Variants in SHROOM2 observed in about 807,000 individuals in gnomAD.
SHROOM2 encodes shroom family member 2.
Under a neutral mutation model 75.9 loss-of-function variants are expected in SHROOM2, and 33 were observed. The ratio of observed to expected loss-of-function variants is 0.43; its 90% CI spans 0.33 to 0.58. SHROOM2 has a LOEUF of 0.58. Ranked by LOEUF, SHROOM2 falls within the 20% of genes least tolerant of loss-of-function variation. SHROOM2 has a pLI of 0.04. For missense variants in SHROOM2, 1,434 were observed against 1,461.2 expected (o/e 0.98, Z 0.30); for synonymous variants, 655 against 663.6 (o/e 0.99, Z 0.20).
intron 1 of SHROOM2, among the ~76,000 whole-genome samples, chrX:9,846,588 C>G (rs1167246071): frequency 8.9e-6 from 1 of 112,372 alleles, no homozygotes; most frequent in Non-Finnish European, 1.9e-5. Flanking sequence ...AGCCATCACA[C>G]CCGGCCAATT....
intron 1 of SHROOM2, among the ~76,000 whole-genome samples, chrX:9,811,273 G>A (rs1482893905): frequency 8.9e-6 from 1 of 111,883 alleles, no homozygotes; most frequent in Non-Finnish European, 1.9e-5. Context: ...CTTGGTGAGT[G>A]GAAGTCCATG....
In SHROOM2 at chrX:9,944,684, G is replaced by A. The variant is rs189631774; in HGVS notation, c.4355G>A (p.Arg1452Gln). Residue 1452 changes from arginine to glutamine, a missense_variant, in exon 9 of 10, where the codon CGG (arginine) becomes CAG (glutamine). By Grantham distance (43) the Arg-to-Gln change is conservative. This residue lies in a region of SHROOM2 where 1,340 missense variants were observed against 1,338.3 expected (regional missense o/e 1.00). Coordinates refer to ENST00000380913, the MANE Select transcript of SHROOM2 (RefSeq NM_001649.4). ...ATCAGCCGCAAGCTGCAGGTGCTCC[G>A]GGAGGCCCGCGAGAGCCTGCTGGAG... ...ESISRKLQVL[R>Q]EARESLLEDV... 2.2e-5 allele frequency: 26 copies of A among 1,208,977 alleles called. No homozygotes were observed. The highest frequency in any genetic ancestry group is 1.5e-4 in the Admixed American group (7 of 45,716).
At chrX:9,941,957 CA>C (rs1178166624) in intron 8 of SHROOM2, among the ~76,000 whole-genome samples, 20 of 79,659 alleles carry the variant, frequency 2.5e-4, no homozygotes, top group Middle Eastern at 8.7e-3. Context: ...GGTGGCAGAG[CA>C]GAGACTCCGT....
chrX:9,839,004 TTCCCTG>T (rs1273644161), intron 1 of SHROOM2, among the ~76,000 whole-genome samples: 1 of 111,202 alleles, frequency 9.0e-6, no homozygotes, highest in Non-Finnish European at 1.9e-5. Flanking sequence ...GACCCTTTCC[TTCCCTG>T]TCGCACGTGG....
chrX:9,908,741 C>T (rs1347324328), intron 5 of SHROOM2, among the ~76,000 whole-genome samples: 3 of 109,606 alleles, frequency 2.7e-5, no homozygotes, highest in Non-Finnish European at 5.7e-5. Context: ...TGCTTGAGCC[C>T]AGGAGTTCAA....
chrX:9,934,711 A>C (rs1468460366), intron 6 of SHROOM2, among the ~76,000 whole-genome samples: 1 of 112,036 alleles, frequency 8.9e-6, no homozygotes, highest in African/African-American at 3.2e-5. Flanking sequence ...TCTGTTAAAA[A>C]ATGATCAGGA....
Position 9,794,664 on chromosome X carries a change from C to T in SHROOM2, c.165+7954C>T, listed in dbSNP as rs2083685117. 2.7e-5 allele frequency among the ~76,000 whole-genome samples: 3 copies of T among 112,079 alleles called. No individual in the cohort carries two copies. In the Admixed American group the frequency reaches 2.8e-4, roughly 11 times the overall value. On this transcript the variant is annotated intron_variant, in intron 1 of 9. Coordinates refer to ENST00000380913, the MANE Select transcript of SHROOM2 (RefSeq NM_001649.4). ...GGATTACAGACATGAGCCACCGCGC[C>T]CAGCCATAAACTAGTTTTTCTTTAA...
intron 1 of SHROOM2, chrX:9,818,746 C>T: frequency 6.5e-6 from 3 of 463,006 alleles, no homozygotes; most frequent in Non-Finnish European, 1.2e-5. Flanking sequence ...TTCTTTGTCA[C>T]ATAAATCAAT....
intron 5 of SHROOM2, among the ~76,000 whole-genome samples, chrX:9,917,915 T>C (rs1333650676): frequency 8.9e-6 from 1 of 112,014 alleles, no homozygotes. Context: ...TCTGTTTCTA[T>C]AGTAATTGTG....
intron 1 of SHROOM2, among the ~76,000 whole-genome samples, chrX:9,808,389 A>AT (rs2083768924): frequency 9.3e-6 from 1 of 107,517 alleles, no homozygotes; most frequent in Non-Finnish European, 1.9e-5. Flanking sequence ...ACAAAAAAAA[A>AT]AAAAAAAATT....
At chrX:9,792,664 C>T (rs1305910747) in intron 1 of SHROOM2, among the ~76,000 whole-genome samples, 1 of 109,507 alleles carries the variant, frequency 9.1e-6, no homozygotes. Flanking sequence ...AGGGTAGACT[C>T]TGTGTCCTTG....
intron 1 of SHROOM2, among the ~76,000 whole-genome samples, chrX:9,806,531 C>G (rs2146735120): frequency 9.7e-6 from 1 of 103,595 alleles, no homozygotes; most frequent in East Asian, 3.1e-4. Context: ...TATCTGTCTC[C>G]TTGTGCCAGC....
chrX:9,786,502 C>G lies in SHROOM2; in HGVS notation c.-44C>G. On this transcript the variant is annotated 5_prime_UTR_variant, in exon 1 of 10. Transcript: ENST00000380913. ...CTTGCGATCCCACGGCCGGGACTGC[C>G]CGGAGTGCATGGGCGCGGGCCAGGG... 1 of 840,659 alleles carries G rather than the reference C, an allele frequency of 1.2e-6. No individual in the cohort carries two copies. Among genetic ancestry groups the G allele is most frequent in the South Asian group, 6.1e-5 (1 of 16,395 alleles). The allele number at this position is 840,659 out of a possible 1,213,427, so 69.3% of individuals were successfully genotyped here. A position where few individuals can be genotyped will look rare whatever the true frequency, so the allele number is the denominator to read the frequency against.
chrX:9,850,185 C>A (rs1046839100), intron 1 of SHROOM2, among the ~76,000 whole-genome samples: 1 of 112,110 alleles, frequency 8.9e-6, no homozygotes, highest in Non-Finnish European at 1.9e-5. Context: ...CTGCAGCACC[C>A]GGGGGCGCTG....
At chrX:9,870,156 G>T (rs2084163938) in intron 1 of SHROOM2, among the ~76,000 whole-genome samples, 1 of 111,741 alleles carries the variant, frequency 8.9e-6, no homozygotes. Flanking sequence ...AGACCGGGAG[G>T]TGCAGGCTGT....
intron 5 of SHROOM2, among the ~76,000 whole-genome samples, chrX:9,922,413 C>T (rs2084554415): frequency 9.0e-6 from 1 of 110,610 alleles, no homozygotes; most frequent in Admixed American, 9.6e-5. Context: ...CAGAAAGCTC[C>T]TTTGTACTCT....
intron 1 of SHROOM2, among the ~76,000 whole-genome samples, chrX:9,826,279 C>T (rs1178225779): frequency 8.9e-6 from 1 of 112,549 alleles, no homozygotes; most frequent in Non-Finnish European, 1.9e-5. Context: ...GCTCTTCATG[C>T]ATAACCTGGC....
chrX:9,805,545 G>A, intron 1 of SHROOM2, among the ~76,000 whole-genome samples: 1 of 112,217 alleles, frequency 8.9e-6, no homozygotes, highest in Non-Finnish European at 1.9e-5. Context: ...AGACCAGCCT[G>A]GCCAACATGG....
At chrX:9,926,408 T>C (rs1210327649) in intron 5 of SHROOM2, among the ~76,000 whole-genome samples, 1 of 111,723 alleles carries the variant, frequency 9.0e-6, no homozygotes, top group African/African-American at 3.3e-5. Flanking sequence ...TCGTGGGATG[T>C]GTCGCAGTGA....
Sources: gnomAD v4.1 joint callset for allele counts (sites outside exome capture counted in the v4.1 genomes callset) on GRCh38, gnomAD v4.1.1 for gene constraint, gnomAD v4.1.1 regional missense constraint, MANE v1.5 for transcripts, NCBI Gene and HGNC (gene_info 2026-07-23, HGNC 2026-07-21) for gene names.